Variants in PPP3CA observed in about 807,000 individuals in gnomAD.
PPP3CA encodes the protein protein phosphatase 3 catalytic subunit alpha, also known as CAM-PRP catalytic subunit.
PPP3CA carries 14 observed loss-of-function variants against 66.5 expected under a neutral mutation model. That is an observed-to-expected ratio of 0.21 (90% CI 0.14 to 0.33). PPP3CA has a LOEUF of 0.33. Among genes scored for constraint, PPP3CA ranks in the 10% least tolerant of loss-of-function variants. PPP3CA has a pLI of 1.00. For missense variants in PPP3CA, 317 were observed against 639.5 expected (o/e 0.50, Z 5.44); for synonymous variants, 232 against 226.2 (o/e 1.03, Z -0.23).
intron 2 of PPP3CA, among the ~76,000 whole-genome samples, chr4:101,156,751 G>A (rs1427953075): frequency 6.6e-6 from 1 of 152,162 alleles, no homozygotes; most frequent in Non-Finnish European, 1.5e-5. Flanking sequence ...GATTTGAAAG[G>A]TTTATGAAGG....
rs1730032696 is a variant in PPP3CA at position 101,347,033 on chromosome 4, C to G, written c.-237G>C. 5 of 590,894 alleles carry G rather than the reference C, an allele frequency of 8.5e-6. No homozygotes were observed. The Admixed American group carries it at 1.5e-4, about 18-fold the overall frequency. The allele number at this position is 590,894 out of a possible 1,614,324, so 36.6% of individuals were successfully genotyped here. ...GCCGCTGCCGCCAGCCCCGCCGACT[C>G]GCTCCGGGCTGCGCGTGTGTGGTGG... is the stretch of plus-strand genomic sequence containing the variant. On this transcript the variant is annotated 5_prime_UTR_variant, in exon 1 of 14. Coordinates refer to ENST00000394854, the MANE Select transcript of PPP3CA (RefSeq NM_000944.5).
intron 1 of PPP3CA, among the ~76,000 whole-genome samples, chr4:101,298,996 T>C (rs781198275): frequency 1.3e-5 from 2 of 151,920 alleles, no homozygotes; most frequent in African/African-American, 2.4e-5. Context: ...CTAGATGGTA[T>C]ATATGTATAT....
At chr4:101,217,906 T>A (rs1205491592) in intron 1 of PPP3CA, among the ~76,000 whole-genome samples, 2 of 152,088 alleles carry the variant, frequency 1.3e-5, no homozygotes, top group Non-Finnish European at 2.9e-5. Context: ...GTGGACCTTT[T>A]CTACATTCCT....
intron 1 of PPP3CA, among the ~76,000 whole-genome samples, chr4:101,234,781 G>A (rs527654215): frequency 4.0e-5 from 6 of 151,608 alleles, no homozygotes; most frequent in African/African-American, 1.5e-4. Context: ...AGTAAAAGAC[G>A]TACAAAAATA....
At chr4:101,211,180 A>T (rs1725287057) in intron 1 of PPP3CA, among the ~76,000 whole-genome samples, 1 of 151,746 alleles carries the variant, frequency 6.6e-6, no homozygotes, top group Non-Finnish European at 1.5e-5. Context: ...CAGGGCTCAC[A>T]TCAGGCCCCT....
At chr4:101,211,296 T>C (rs1310933598) in intron 1 of PPP3CA, among the ~76,000 whole-genome samples, 8 of 152,150 alleles carry the variant, frequency 5.3e-5, no homozygotes, top group African/African-American at 1.9e-4. Context: ...ACACATCCAG[T>C]TCTCCAGATT....
chr4:101,248,439 T>TACATCACAAAATAAAAGAC (rs1205500699), intron 1 of PPP3CA, among the ~76,000 whole-genome samples: 38 of 152,332 alleles, frequency 2.5e-4, no homozygotes, highest in Middle Eastern at 3.4e-3. Context: ...GAAAGTCAGC[T>TACATCACAAAATAAAAGAC]ACATCACAAA....
At chr4:101,026,650 C>T (rs970975769) in intron 13 of PPP3CA, among the ~76,000 whole-genome samples, 1 of 126,534 alleles carries the variant, frequency 7.9e-6, no homozygotes, top group Non-Finnish European at 1.9e-5. Context: ...TCAATGATGA[C>T]ATGAAAAAAA....
intron 1 of PPP3CA, among the ~76,000 whole-genome samples, chr4:101,231,100 C>G (rs1725946567): frequency 6.6e-6 from 1 of 151,676 alleles, no homozygotes; most frequent in Admixed American, 6.6e-5. Context: ...CTTCAGAATG[C>G]TCTTTTTGAC....
At chr4:101,102,721 A>G (rs1236112884) in intron 3 of PPP3CA, among the ~76,000 whole-genome samples, 2 of 152,236 alleles carry the variant, frequency 1.3e-5, no homozygotes, top group Non-Finnish European at 1.5e-5. Flanking sequence ...TTGTAAAAAA[A>G]AATCACAATC....
intron 10 of PPP3CA, among the ~76,000 whole-genome samples, chr4:101,041,379 A>C (rs1727508671): frequency 6.6e-6 from 1 of 151,596 alleles, no homozygotes; most frequent in Non-Finnish European, 1.5e-5. Context: ...TTTTCTTTTA[A>C]TTCCCGAGGT....
At chr4:101,281,630 C>T (rs987047938) in intron 1 of PPP3CA, among the ~76,000 whole-genome samples, 2 of 152,158 alleles carry the variant, frequency 1.3e-5, no homozygotes, top group African/African-American at 4.8e-5. Context: ...TTAGGCTATG[C>T]TACAGATGGT....
intron 1 of PPP3CA, among the ~76,000 whole-genome samples, chr4:101,341,670 A>T (rs1729823041): frequency 6.6e-6 from 1 of 152,138 alleles, no homozygotes; most frequent in African/African-American, 2.4e-5. Context: ...CTCCCCTTTT[A>T]TGTATAGAGA....
intron 10 of PPP3CA, among the ~76,000 whole-genome samples, chr4:101,043,755 T>A (rs28470872): frequency 0.064 from 9,681 of 151,932 alleles, 351 homozygotes; most frequent in African/African-American, 0.093. Context: ...CATGCCTGTA[T>A]TCCCAGCTAC....
chr4:101,139,555 C>G (rs17829777), intron 2 of PPP3CA, among the ~76,000 whole-genome samples: 14,684 of 151,962 alleles, frequency 0.097, 931 homozygotes, highest in Middle Eastern at 0.14. Context: ...ATACTTTATT[C>G]GACCCCTAAA....
intron 10 of PPP3CA, among the ~76,000 whole-genome samples, chr4:101,045,167 T>C (rs1236589473): frequency 6.6e-6 from 1 of 152,226 alleles, no homozygotes; most frequent in Non-Finnish European, 1.5e-5. Context: ...TGTGACTCCT[T>C]TACTATACAG....
At chr4:101,076,218 C>T (rs535271450) in intron 8 of PPP3CA, among the ~76,000 whole-genome samples, 1 of 151,034 alleles carries the variant, frequency 6.6e-6, no homozygotes, top group Admixed American at 6.6e-5. Flanking sequence ...GGTATCAGCA[C>T]TGGTTATAGG....
intron 1 of PPP3CA, among the ~76,000 whole-genome samples, chr4:101,243,601 A>G (rs2850952): frequency 0.85 from 128,942 of 152,214 alleles, 55,254 homozygotes; most frequent in African/African-American, 0.96. Context: ...GTAATCTAGA[A>G]ATGATTTCAA....
intron 6 of PPP3CA, among the ~76,000 whole-genome samples, chr4:101,084,497 GCCAGGCTTAGGGGTGGGCGC>G (rs1180716158): frequency 1.3e-4 from 20 of 151,994 alleles, no homozygotes; most frequent in African/African-American, 4.6e-4. Context: ...CAAAAAACTA[GCCAGGCTTAGGGGTGGGCGC>G]CTGTAATCCC....
Sources: gnomAD v4.1 joint callset for allele counts (sites outside exome capture counted in the v4.1 genomes callset) on GRCh38, gnomAD v4.1.1 for gene constraint, MANE v1.5 for transcripts, NCBI Gene and HGNC (gene_info 2026-07-23, HGNC 2026-07-21) for gene names.